Variants in MIPOL1 observed in about 807,000 individuals in gnomAD.
MIPOL1 encodes the protein mirror-image polydactyly gene 1 protein.
A neutral mutation model predicts 60.9 loss-of-function variants in MIPOL1; 57 were observed. The observed-to-expected ratio is 0.94, with a 90% CI of 0.76 to 1.17. The LOEUF (loss-of-function observed/expected upper bound fraction) is 1.17, where lower values mean the gene tolerates loss of function less well. Ranked by LOEUF, MIPOL1 falls within the 50% of genes most tolerant of loss-of-function variation. MIPOL1 has a pLI of 0.00. For synonymous variants in MIPOL1, 179 were observed against 168.8 expected, an observed-to-expected ratio of 1.06 and a Z score of -0.47; for missense variants, 551 against 511.6, an observed-to-expected ratio of 1.08 and a Z score of -0.74.
chr14:37,549,865 TACTG>T lies in MIPOL1; in HGVS notation c.*2895_*2898del, dbSNP rs2095557573. ...ATAAAACATAACATGAGTCTCTTTG[TACTG>T]TTTTTAATTTGGCCTGATGCTAAAA... is the stretch of plus-strand genomic sequence containing the variant. On this transcript the variant is annotated 3_prime_UTR_variant, in exon 13 of 13. Coordinates refer to ENST00000684589, the MANE Select transcript of MIPOL1 (RefSeq NM_001388067.1). The T allele has an allele frequency of 6.6e-6, 1 of 151,950 alleles. No individual in the cohort carries two copies. Among genetic ancestry groups the T allele is most frequent in the African/African-American group, 2.4e-5 (1 of 41,430 alleles). The allele number at this position is 151,950 out of a possible 1,614,324, so 9.4% of individuals were successfully genotyped here.
In MIPOL1 at chr14:37,297,061, A is replaced by G. The variant is rs185750583; in HGVS notation, c.624-10995A>G. ...CATTGATGCAAAAATCCTCAATAAA[A>G]TACTGGCAAACTGAATCCAGCAGCA... On this transcript the variant is annotated intron_variant, in intron 7 of 12. Coordinates refer to ENST00000684589, the MANE Select transcript of MIPOL1 (RefSeq NM_001388067.1). Among the ~76,000 whole-genome samples, 3 of 152,332 alleles carry G rather than the reference A, an allele frequency of 2.0e-5. No homozygotes were observed. In the East Asian group the frequency reaches 5.8e-4, roughly 29 times the overall value.
At chr14:37,228,862 C>T (rs535598722) in intron 1 of MIPOL1, among the ~76,000 whole-genome samples, 1 of 152,130 alleles carries the variant, frequency 6.6e-6, no homozygotes, top group South Asian at 2.1e-4. Flanking sequence ...GAGGACAAGG[C>T]GGGAGAATTG....
At chr14:37,466,033 T>C (rs1272245561) in intron 11 of MIPOL1, among the ~76,000 whole-genome samples, 4 of 152,160 alleles carry the variant, frequency 2.6e-5, no homozygotes, top group Non-Finnish European at 5.9e-5. Context: ...AAAAAGTCAA[T>C]AGGCAAAGCC....
intron 9 of MIPOL1, among the ~76,000 whole-genome samples, chr14:37,351,889 G>C (rs578162616): frequency 6.6e-6 from 1 of 151,536 alleles, no homozygotes; most frequent in Non-Finnish European, 1.5e-5. Context: ...AGTTTCTCTT[G>C]CTGTGCAGAA....
intron 10 of MIPOL1, among the ~76,000 whole-genome samples, chr14:37,407,813 CTTTAT>C (rs2093613088): frequency 8.3e-6 from 1 of 120,270 alleles, no homozygotes; most frequent in Non-Finnish European, 1.8e-5. Flanking sequence ...TCCCAGTATG[CTTTAT>C]TTTTTCTTTT....
At chr14:37,270,763 A>G (rs2083245730) in intron 6 of MIPOL1, among the ~76,000 whole-genome samples, 1 of 150,816 alleles carries the variant, frequency 6.6e-6, no homozygotes, top group South Asian at 2.1e-4. Flanking sequence ...TGTTAACACC[A>G]TGTCAATCCA....
intron 10 of MIPOL1, among the ~76,000 whole-genome samples, chr14:37,404,615 C>T (rs1435394448): frequency 2.0e-5 from 3 of 152,172 alleles, no homozygotes; most frequent in African/African-American, 4.8e-5. Flanking sequence ...TTTAATGCCA[C>T]TCTAATATAT....
At chr14:37,532,906 T>C (rs1444259978) in intron 12 of MIPOL1, among the ~76,000 whole-genome samples, 3 of 152,148 alleles carry the variant, frequency 2.0e-5, no homozygotes, top group African/African-American at 7.2e-5. Context: ...CTGAGTAACC[T>C]CTTAATTCTT....
intron 11 of MIPOL1, among the ~76,000 whole-genome samples, chr14:37,458,086 A>G (rs2094497349): frequency 6.6e-6 from 1 of 152,202 alleles, no homozygotes; most frequent in Non-Finnish European, 1.5e-5. Context: ...AAAAAAAGAT[A>G]AAGTCATTAT....
In MIPOL1 at chr14:37,247,243, A is replaced by G. The variant is rs1363449797; in HGVS notation, c.-61+3A>G. ...GAACGCTGGGTTCTATCTGTGAGGT[A>G]AATCTAATTTTATTCTCCTTAAAAG... On this transcript the variant is annotated splice_donor_region_variant and intron_variant, in intron 2 of 12. Coordinates refer to ENST00000684589, the MANE Select transcript of MIPOL1 (RefSeq NM_001388067.1). 1 of 152,476 alleles carries G rather than the reference A, an allele frequency of 6.6e-6. No homozygotes were observed. The highest frequency in any genetic ancestry group is 1.5e-5 in the Non-Finnish European group (1 of 67,962). The allele number at this position is 152,476 out of a possible 1,614,324, so 9.4% of individuals were successfully genotyped here.
At chr14:37,513,544 G>T (rs1346328248) in intron 12 of MIPOL1, among the ~76,000 whole-genome samples, 2 of 152,088 alleles carry the variant, frequency 1.3e-5, no homozygotes, top group Non-Finnish European at 2.9e-5. Context: ...ATTAATGTAG[G>T]ATTGTTAGGA....
At chr14:37,373,043 G>A (rs1184377472) in intron 10 of MIPOL1, among the ~76,000 whole-genome samples, 1 of 152,068 alleles carries the variant, frequency 6.6e-6, no homozygotes, top group Non-Finnish European at 1.5e-5. Context: ...TCACTCAGTC[G>A]CCCTGGCTGG....
At chr14:37,330,508 A>G (rs1262068724) in intron 9 of MIPOL1, among the ~76,000 whole-genome samples, 1 of 152,156 alleles carries the variant, frequency 6.6e-6, no homozygotes, top group African/African-American at 2.4e-5. Flanking sequence ...AACAGTCCTC[A>G]ATATAATTAA....
intron 10 of MIPOL1, among the ~76,000 whole-genome samples, chr14:37,385,217 TA>T (rs1399966536): frequency 6.6e-6 from 1 of 152,064 alleles, no homozygotes; most frequent in African/African-American, 2.4e-5. Flanking sequence ...TGGAAATTTT[TA>T]AAGAAATTCC....
At chr14:37,284,373 TC>T (rs2084374415) in intron 6 of MIPOL1, among the ~76,000 whole-genome samples, 1 of 152,212 alleles carries the variant, frequency 6.6e-6, no homozygotes, top group Non-Finnish European at 1.5e-5. Flanking sequence ...AGACTGAGTC[TC>T]ACACTGTTGC....
At position 37,460,971 on chromosome 14, in the gene MIPOL1, A is replaced by G. The variant is rs532493423; in HGVS notation, c.1031+38022A>G. Among the ~76,000 whole-genome samples the G allele has an allele frequency of 1.2e-4, 18 of 152,338 alleles. No homozygotes were observed. The South Asian group carries it at 3.7e-3, about 32-fold the overall frequency. On this transcript the variant is annotated intron_variant, in intron 11 of 12. Transcript: ENST00000684589. ...TCAACATAATTCCTATCAAATTACC[A>G]GCATCATATTTCACAGAATTAGAAA...
chr14:37,289,821 A>G (rs1358851869), intron 7 of MIPOL1, among the ~76,000 whole-genome samples: 1 of 152,192 alleles, frequency 6.6e-6, no homozygotes, highest in Non-Finnish European at 1.5e-5. Flanking sequence ...CGTTTTAATC[A>G]TGCAACCCTC....
chr14:37,245,646 T>G (rs1428617169), intron 1 of MIPOL1, among the ~76,000 whole-genome samples: 1 of 152,108 alleles, frequency 6.6e-6, no homozygotes, highest in Non-Finnish European at 1.5e-5. Context: ...AAAATATTGG[T>G]GTAGTGTTAA....
intron 11 of MIPOL1, among the ~76,000 whole-genome samples, chr14:37,441,611 T>C (rs891643737): frequency 3.9e-5 from 6 of 152,170 alleles, no homozygotes; most frequent in African/African-American, 1.4e-4. Flanking sequence ...TTTGTACCTG[T>C]GGCATGCTGT....
Sources: allele counts gnomAD v4.1 joint callset (sites outside exome capture counted in the v4.1 genomes callset), GRCh38; gene constraint gnomAD v4.1.1; transcripts MANE v1.5; gene names NCBI Gene and HGNC (gene_info 2026-07-23, HGNC 2026-07-21).